Variants in DLC1 observed in about 807,000 individuals in gnomAD.
The protein encoded by DLC1 is DLC1 Rho GTPase activating protein, also known as rho GTPase-activating protein 7.
A neutral mutation model predicts 140.3 loss-of-function variants in DLC1; 54 were observed. That is an observed-to-expected ratio of 0.38 (90% confidence interval 0.31 to 0.48). DLC1 has a LOEUF of 0.48. Ranked by LOEUF, DLC1 falls within the 20% of genes least tolerant of loss-of-function variation. DLC1 has a pLI of 0.96. For synonymous variants in DLC1, 986 were observed against 728.1 expected, an observed-to-expected ratio of 1.35 and a Z score of -5.70; for missense variants, 2,536 against 1,907.0, an observed-to-expected ratio of 1.33 and a Z score of -6.14.
At chr8:13,293,324 G>A (rs543351635) in intron 5 of DLC1, among the ~76,000 whole-genome samples, 77 of 152,278 alleles carry the variant, frequency 5.1e-4, no homozygotes, top group Middle Eastern at 3.4e-3. Context: ...ATTTAGTCAA[G>A]AGGAAAAAGA....
intron 5 of DLC1, among the ~76,000 whole-genome samples, chr8:13,250,829 A>G (rs1027295009): frequency 1.3e-5 from 2 of 152,216 alleles, no homozygotes; most frequent in African/African-American, 2.4e-5. Context: ...ACAAGCTTCT[A>G]TTATTACCAT....
At chr8:13,187,649 C>T (rs940450233) in intron 5 of DLC1, among the ~76,000 whole-genome samples, 1 of 152,124 alleles carries the variant, frequency 6.6e-6, no homozygotes, top group Non-Finnish European at 1.5e-5. Flanking sequence ...ATTGGAGATA[C>T]TATGTGGGAA....
At chr8:13,587,776 T>A (rs900068) in intron 1 of DLC1, among the ~76,000 whole-genome samples, 25,866 of 151,740 alleles carry the variant, frequency 0.17, 2,743 homozygotes, top group African/African-American at 0.29. Context: ...ACTAAAATAA[T>A]GTGCTAGTCA....
At chr8:13,509,027 T>G (rs1361627769) in intron 1 of DLC1, among the ~76,000 whole-genome samples, 1 of 152,194 alleles carries the variant, frequency 6.6e-6, no homozygotes, top group Non-Finnish European at 1.5e-5. Context: ...ATATTAAACG[T>G]GTGGCTGACC....
intron 1 of DLC1, among the ~76,000 whole-genome samples, chr8:13,600,611 T>A (rs1395130027): frequency 6.6e-6 from 1 of 151,896 alleles, no homozygotes; most frequent in African/African-American, 2.4e-5. Flanking sequence ...TAAAAATAGA[T>A]CATTGCACTC....
At chr8:13,180,140 T>C (rs760407321) in intron 5 of DLC1, among the ~76,000 whole-genome samples, 14 of 152,232 alleles carry the variant, frequency 9.2e-5, no homozygotes, top group Non-Finnish European at 1.5e-4. Context: ...TTAATTCATA[T>C]GTCAAGGTTC....
chr8:13,440,407 G>A lies in DLC1; in HGVS notation c.1024-38788C>T, dbSNP rs116717318. ...AAACATAAATAGACATAGAGTTTGC[G>A]TATAAAAATCTCAAATTTCCTGTCC... On this transcript the variant is annotated intron_variant, in intron 2 of 17. Transcript: ENST00000276297. Among the ~76,000 whole-genome samples, 1,004 of 152,178 alleles carry A rather than the reference G, an allele frequency of 6.6e-3. 12 individuals carry two copies. The highest frequency in any genetic ancestry group is 0.022 in the African/African-American group (924 of 41,524).
chr8:13,180,451 G>A (rs1181821070), intron 5 of DLC1, among the ~76,000 whole-genome samples: 1 of 152,006 alleles, frequency 6.6e-6, no homozygotes, highest in African/African-American at 2.4e-5. Flanking sequence ...CAGACACTGT[G>A]AAAAATCAAA....
At chr8:13,503,145 C>T (rs1305693089) in intron 1 of DLC1, among the ~76,000 whole-genome samples, 1 of 152,236 alleles carries the variant, frequency 6.6e-6, no homozygotes, top group Non-Finnish European at 1.5e-5. Flanking sequence ...TGGCTCACGC[C>T]TGTAATCCCA....
In DLC1 at chr8:13,383,574, T is replaced by C. The variant is rs538222259; in HGVS notation, c.1314+9979A>G. ...CATTGTCACATTGTGGTAACCAGCC[T>C]CCAAGTTGCCACCCAATAATTCTTT... is the stretch of plus-strand genomic sequence containing the variant. On this transcript the variant is annotated intron_variant, in intron 4 of 17. Coordinates refer to ENST00000276297, the MANE Select transcript of DLC1 (RefSeq NM_182643.3). Among the ~76,000 whole-genome samples the C allele has an allele frequency of 2.0e-5, 3 of 152,288 alleles. No individual in the cohort carries two copies. The East Asian group carries it at 5.8e-4, about 29-fold the overall frequency.
intron 3 of DLC1, among the ~76,000 whole-genome samples, chr8:13,401,049 A>G (rs1221095243): frequency 6.6e-6 from 1 of 152,204 alleles, no homozygotes; most frequent in Non-Finnish European, 1.5e-5. Context: ...ACTGGCATCC[A>G]TCCATCCATC....
chr8:13,315,046 G>T (rs1365558441), intron 4 of DLC1, among the ~76,000 whole-genome samples: 1 of 152,112 alleles, frequency 6.6e-6, no homozygotes, highest in Admixed American at 6.5e-5. Flanking sequence ...ATCACTTCAG[G>T]CCTGAGGGTG....
chr8:13,090,756 G>C (rs1817988766), intron 14 of DLC1, among the ~76,000 whole-genome samples: 1 of 151,996 alleles, frequency 6.6e-6, no homozygotes, highest in Non-Finnish European at 1.5e-5. Flanking sequence ...AGATACGGAA[G>C]TGGATACAGC....
At chr8:13,552,824 C>G (rs965646253) in intron 1 of DLC1, among the ~76,000 whole-genome samples, 1 of 151,560 alleles carries the variant, frequency 6.6e-6, no homozygotes, top group Admixed American at 6.6e-5. Context: ...AAAGAAAGTA[C>G]AAAGTCTAAG....
chr8:13,103,267 C>T (rs1268705899), intron 7 of DLC1, among the ~76,000 whole-genome samples: 3 of 151,636 alleles, frequency 2.0e-5, no homozygotes, highest in Admixed American at 6.6e-5. Context: ...GCCAAGATAG[C>T]GCCACTGCAC....
At chr8:13,171,585 C>G (rs1055421503) in intron 5 of DLC1, among the ~76,000 whole-genome samples, 1 of 151,914 alleles carries the variant, frequency 6.6e-6, no homozygotes, top group East Asian at 1.9e-4. Context: ...TGTAGAGAAA[C>G]AAGGGTTGTC....
intron 1 of DLC1, among the ~76,000 whole-genome samples, chr8:13,577,164 A>G (rs1332774110): frequency 6.6e-6 from 1 of 152,196 alleles, no homozygotes; most frequent in Non-Finnish European, 1.5e-5. Context: ...CAGTGGGGAT[A>G]AACATCTTCC....
In DLC1 at chr8:13,453,406, A is replaced by G. The variant is rs865831234; in HGVS notation, c.1023+45643T>C. Among the ~76,000 whole-genome samples the G allele has an allele frequency of 6.8e-3, 303 of 44,586 alleles. 14 individuals are homozygous for G. The highest frequency in any genetic ancestry group is 0.019 in the Admixed American group (43 of 2,268). The allele number at this position is 44,586 out of a possible 152,430, so 29.3% of individuals were successfully genotyped here. A position where few individuals can be genotyped will look rare whatever the true frequency, so the allele number is the denominator to read the frequency against. On this transcript the variant is annotated intron_variant, in intron 2 of 17. Transcript: ENST00000276297. ...GCCCAGGATATATATATATATGTGT[A>G]TATATATATATATATATGTGTATAT... is the stretch of plus-strand genomic sequence containing the variant.
At chr8:13,276,053 T>C (rs188262823) in intron 5 of DLC1, among the ~76,000 whole-genome samples, 2 of 152,294 alleles carry the variant, frequency 1.3e-5, no homozygotes, top group East Asian at 1.9e-4. Context: ...AGAGCGGCGT[T>C]ACACAAAACA....
Sources: gnomAD v4.1 joint callset for allele counts (sites outside exome capture counted in the v4.1 genomes callset) on GRCh38, gnomAD v4.1.1 for gene constraint, MANE v1.5 for transcripts, NCBI Gene and HGNC (gene_info 2026-07-23, HGNC 2026-07-21) for gene names.